Variants in ANO1 observed in about 807,000 individuals in gnomAD.
ANO1 encodes the protein anoctamin 1, also known as anoctamin-1.
ANO1 carries 59 observed loss-of-function variants against 124.0 expected under a neutral mutation model. The observed-to-expected ratio is 0.48, with a 90% CI of 0.39 to 0.59. The LOEUF is 0.59. Ranked by LOEUF, ANO1 falls within the 20% of genes least tolerant of loss-of-function variation. The pLI is 0.00. For synonymous variants in ANO1, 529 were observed against 532.0 expected (o/e 0.99, Z 0.08); for missense variants, 1,059 against 1,328.0 (o/e 0.80, Z 3.15).
intron 1 of ANO1, among the ~76,000 whole-genome samples, chr11:70,024,283 C>T (rs1278166605): frequency 2.6e-5 from 4 of 152,182 alleles, no homozygotes; most frequent in African/African-American, 7.2e-5. Flanking sequence ...GCTGTGTGTA[C>T]CCACTAGCAG....
chr11:70,156,838 T>A, intron 15 of ANO1, 109 bp from the exon 16 acceptor site: 1 of 925,004 alleles, frequency 1.1e-6, no homozygotes, highest in Admixed American at 2.4e-5. Context: ...TTTCTGTTGT[T>A]CAAGTTGTCC....
At chr11:70,092,740 G>C (rs1177680948) in intron 2 of ANO1, among the ~76,000 whole-genome samples, 1 of 152,164 alleles carries the variant, frequency 6.6e-6, no homozygotes, top group Non-Finnish European at 1.5e-5. Context: ...CTGGAGCACT[G>C]TGTGGTACCC....
chr11:70,008,055 T>C (rs1444831566), intron 1 of ANO1, among the ~76,000 whole-genome samples: 1 of 152,236 alleles, frequency 6.6e-6, no homozygotes, highest in Non-Finnish European at 1.5e-5. Flanking sequence ...CATTTGTGTT[T>C]TCTTTAGAGA....
chr11:70,133,650 C>T (rs2046846023), intron 11 of ANO1, among the ~76,000 whole-genome samples: 1 of 152,240 alleles, frequency 6.6e-6, no homozygotes, highest in Non-Finnish European at 1.5e-5. Context: ...GCTCCGGAGG[C>T]TGCATTCGGG....
intron 8 of ANO1, among the ~76,000 whole-genome samples, chr11:70,118,021 C>A (rs974478596): frequency 3.3e-5 from 5 of 152,190 alleles, no homozygotes; most frequent in African/African-American, 1.2e-4. Context: ...CCTCCACAGG[C>A]CTGTCCTGAC....
At chr11:70,041,098 G>A (rs1159451720) in intron 1 of ANO1, among the ~76,000 whole-genome samples, 1 of 152,072 alleles carries the variant, frequency 6.6e-6, no homozygotes, top group East Asian at 1.9e-4. Context: ...ATGCTTTGGG[G>A]CACACCCACC....
intron 2 of ANO1, among the ~76,000 whole-genome samples, chr11:70,094,008 T>C (rs1190283287): frequency 6.6e-6 from 1 of 152,056 alleles, no homozygotes; most frequent in Admixed American, 6.5e-5. Flanking sequence ...TAAAATGGAG[T>C]TGATAGTGTG....
chr11:70,086,602 A>G (rs1000526229), intron 1 of ANO1, among the ~76,000 whole-genome samples: 7 of 152,214 alleles, frequency 4.6e-5, no homozygotes, highest in African/African-American at 9.6e-5. Flanking sequence ...CGTGTGGGGA[A>G]GGTGCAAGCG....
chr11:70,126,027 G>A (rs1419994418), intron 9 of ANO1, 34 bp from the exon 10 acceptor site: 2 of 1,573,100 alleles, frequency 1.3e-6, no homozygotes, highest in Admixed American at 3.6e-5. Context: ...TTGAATGACA[G>A]TGGGCTTGAC....
chr11:70,094,792 G>A (rs1304835321), intron 2 of ANO1, among the ~76,000 whole-genome samples: 2 of 152,166 alleles, frequency 1.3e-5, no homozygotes, highest in Non-Finnish European at 1.5e-5. Context: ...GACTTCTTTG[G>A]TCCCTAAAGA....
chr11:69,999,897 G>A (rs1460816176), intron 1 of ANO1, among the ~76,000 whole-genome samples: 5 of 152,128 alleles, frequency 3.3e-5, no homozygotes, highest in Admixed American at 2.0e-4. Flanking sequence ...GGGAGTGTCT[G>A]ATGAGAGTAC....
At chr11:70,085,093 A>G (rs2044321767) in intron 1 of ANO1, among the ~76,000 whole-genome samples, 1 of 152,004 alleles carries the variant, frequency 6.6e-6, no homozygotes, top group African/African-American at 2.4e-5. Context: ...GGCTGAGCTC[A>G]GCCTCCCGCC....
At chr11:70,036,080 T>A (rs1246005379) in intron 1 of ANO1, among the ~76,000 whole-genome samples, 1 of 152,156 alleles carries the variant, frequency 6.6e-6, no homozygotes, top group Non-Finnish European at 1.5e-5. Context: ...CAAACCACCA[T>A]CAACTGGGGG....
the ANO1 span, among the ~76,000 whole-genome samples, chr11:69,980,147 C>T: frequency 6.6e-6 from 1 of 152,130 alleles, no homozygotes; most frequent in African/African-American, 2.4e-5. Context: ...GAGGACATTA[C>T]ACCCACTGAA....
chr11:69,983,522 C>T (rs1185933260), upstream of ANO1, among the ~76,000 whole-genome samples: 1 of 152,166 alleles, frequency 6.6e-6, no homozygotes, highest in African/African-American at 2.4e-5. Flanking sequence ...TCGGGGAGGC[C>T]CTCAGCTTCA....
At chr11:70,116,371 G>T in intron 7 of ANO1, 87 bp from the exon 8 acceptor site, 1 of 1,295,960 alleles carries the variant, frequency 7.7e-7, no homozygotes, top group Non-Finnish European at 1.1e-6. Flanking sequence ...AGAGCTGCTG[G>T]GGTTTATGTT....
intron 22 of ANO1, among the ~76,000 whole-genome samples, chr11:70,171,839 G>A (rs374083074): frequency 9.9e-5 from 15 of 152,212 alleles, no homozygotes; most frequent in East Asian, 9.7e-4. Flanking sequence ...GTGATGGTGC[G>A]TTCCTGTAGT....
intron 1 of ANO1, among the ~76,000 whole-genome samples, chr11:70,057,950 A>G (rs1427967611): frequency 2.6e-5 from 4 of 152,334 alleles, no homozygotes; most frequent in African/African-American, 9.6e-5. Flanking sequence ...TGGCTGTGGT[A>G]TGGAGAGATA....
chr11:70,112,355 T>G (rs1009852550), intron 7 of ANO1, among the ~76,000 whole-genome samples: 2 of 152,150 alleles, frequency 1.3e-5, no homozygotes, highest in African/African-American at 4.8e-5. Flanking sequence ...TCTGAAACTT[T>G]GCAAATGTGC....
Sources: gnomAD v4.1 joint callset for allele counts (sites outside exome capture counted in the v4.1 genomes callset) on GRCh38, gnomAD v4.1.1 for gene constraint, MANE v1.5 for transcripts, NCBI Gene and HGNC (gene_info 2026-07-23, HGNC 2026-07-21) for gene names.